ZNF385D: variants seen among roughly 807,000 people sequenced by gnomAD.
ZNF385D encodes zinc finger protein 659.
ZNF385D carries 15 observed loss-of-function variants against 35.8 expected under a neutral mutation model. The observed-to-expected ratio is 0.42, with a 90% CI of 0.28 to 0.64. ZNF385D has a LOEUF of 0.64. Among genes scored for constraint, ZNF385D ranks in the 30% least tolerant of loss-of-function variants. The pLI, the probability that ZNF385D is intolerant of heterozygous loss-of-function variation, is 0.23. For missense variants in ZNF385D, 474 were observed against 494.6 expected (o/e 0.96, Z 0.39); for synonymous variants, 212 against 186.8 (o/e 1.13, Z -1.10).
At chr3:21,835,950 C>T (rs1228307284) in intron 3 of ZNF385D, among the ~76,000 whole-genome samples, 1 of 151,980 alleles carries the variant, frequency 6.6e-6, no homozygotes, top group Non-Finnish European at 1.5e-5. Context: ...TTAATAAGAA[C>T]ACCATTTTGA....
chr3:21,793,321 T>C (rs1432245506), intron 3 of ZNF385D, among the ~76,000 whole-genome samples: 2 of 152,182 alleles, frequency 1.3e-5, no homozygotes, highest in Non-Finnish European at 2.9e-5. Context: ...AAATGAGGTA[T>C]TGTTAAGGAA....
At chr3:21,468,596 AC>A (rs1233311332) in intron 4 of ZNF385D, among the ~76,000 whole-genome samples, 1 of 151,932 alleles carries the variant, frequency 6.6e-6, no homozygotes, top group Non-Finnish European at 1.5e-5. Flanking sequence ...GAACCTCAAA[AC>A]CCTATGTTGA....
intron 2 of ZNF385D, among the ~76,000 whole-genome samples, chr3:22,289,781 C>T (rs561938280): frequency 3.7e-4 from 57 of 152,240 alleles, no homozygotes; most frequent in African/African-American, 1.3e-3. Flanking sequence ...GCACCAATGC[C>T]TTCCAGGAGT....
chr3:21,572,947 C>T (rs1307536969), intron 2 of ZNF385D, among the ~76,000 whole-genome samples: 3 of 79,370 alleles, frequency 3.8e-5, no homozygotes, highest in Non-Finnish European at 6.9e-5. Flanking sequence ...AGGAAGTAGA[C>T]ACTTTTTTTT....
At chr3:21,535,088 G>A (rs1385273359) in intron 3 of ZNF385D, among the ~76,000 whole-genome samples, 2 of 152,086 alleles carry the variant, frequency 1.3e-5, no homozygotes, top group African/African-American at 2.4e-5. Flanking sequence ...TGTACTAACT[G>A]TAGGCTAAAT....
chr3:22,030,274 T>TATATATATCCTATACAAATAACAAATAGG (rs1553591252), intron 3 of ZNF385D, among the ~76,000 whole-genome samples: 868 of 86,754 alleles, frequency 0.01, 43 homozygotes, highest in East Asian at 0.043. Flanking sequence ...TATATATATA[T>TATATATATCCTATACAAATAACAAATAGG]ATATATATAT....
At chr3:21,746,022 C>G (rs4146796) in intron 1 of ZNF385D, among the ~76,000 whole-genome samples, 88,133 of 152,000 alleles carry the variant, frequency 0.58, 25,808 homozygotes, top group East Asian at 0.72. Context: ...AATATTAAGT[C>G]TATATATATA....
chr3:22,345,564 C>T (rs769265432), intron 2 of ZNF385D, among the ~76,000 whole-genome samples: 4 of 152,168 alleles, frequency 2.6e-5, no homozygotes, highest in African/African-American at 7.2e-5. Flanking sequence ...GGAGTTTTCA[C>T]TTTGGGGAAC....
At chr3:21,622,452 A>G (rs2125817274) in intron 2 of ZNF385D, among the ~76,000 whole-genome samples, 1 of 152,226 alleles carries the variant, frequency 6.6e-6, no homozygotes, top group African/African-American at 2.4e-5. Context: ...TAAGGCCTAC[A>G]TTTTGAGTGA....
intron 2 of ZNF385D, among the ~76,000 whole-genome samples, chr3:22,364,472 C>A (rs1255693592): frequency 6.6e-6 from 1 of 151,942 alleles, no homozygotes; most frequent in Admixed American, 6.6e-5. Context: ...AGGAGACATA[C>A]AAATGGCTAA....
At chr3:21,665,653 C>A (rs558455022) in intron 1 of ZNF385D, among the ~76,000 whole-genome samples, 12 of 152,294 alleles carry the variant, frequency 7.9e-5, no homozygotes, top group African/African-American at 2.2e-4. Context: ...CTGCCTCCCT[C>A]CCAGTCATGA....
chr3:21,871,288 T>C (rs773795905), intron 3 of ZNF385D, among the ~76,000 whole-genome samples: 1 of 152,184 alleles, frequency 6.6e-6, no homozygotes, highest in African/African-American at 2.4e-5. Flanking sequence ...GTCAAAATGA[T>C]GATCTTTAAC....
intron 3 of ZNF385D, among the ~76,000 whole-genome samples, chr3:21,797,433 T>G (rs1337656408): frequency 6.6e-6 from 1 of 152,204 alleles, no homozygotes; most frequent in Admixed American, 6.5e-5. Context: ...TTTGGTGGTT[T>G]CTTACAAAAC....
At chr3:21,785,378 T>G (rs3111744) in intron 3 of ZNF385D, among the ~76,000 whole-genome samples, 140,471 of 152,144 alleles carry the variant, frequency 0.92, 64,907 homozygotes, top group East Asian at 0.98. Flanking sequence ...ATCATTTTTT[T>G]TGTGTGTATA....
chr3:21,786,098 TG>T (rs1443543913), intron 3 of ZNF385D, among the ~76,000 whole-genome samples: 1 of 152,072 alleles, frequency 6.6e-6, no homozygotes, highest in African/African-American at 2.4e-5. Context: ...ATTATCCTAA[TG>T]GAGAGGTTCT....
intron 3 of ZNF385D, among the ~76,000 whole-genome samples, chr3:21,971,739 T>C (rs1455579596): frequency 6.7e-6 from 1 of 150,078 alleles, no homozygotes; most frequent in South Asian, 2.1e-4. Flanking sequence ...CCTATAAAGA[T>C]ACATATAAAC....
intron 2 of ZNF385D, among the ~76,000 whole-genome samples, chr3:22,205,755 A>T (rs1361913208): frequency 6.6e-6 from 1 of 151,968 alleles, no homozygotes; most frequent in Non-Finnish European, 1.5e-5. Context: ...ATTATAACAG[A>T]TACACAAAAG....
At chr3:21,792,074 C>G (rs150731623) in intron 3 of ZNF385D, among the ~76,000 whole-genome samples, 1 of 152,268 alleles carries the variant, frequency 6.6e-6, no homozygotes, top group East Asian at 1.9e-4. Context: ...CTGCAAAAGA[C>G]ATTTGAGAAT....
At chr3:21,581,213 T>G (rs981295344) in intron 2 of ZNF385D, among the ~76,000 whole-genome samples, 1 of 152,182 alleles carries the variant, frequency 6.6e-6, no homozygotes, top group African/African-American at 2.4e-5. Flanking sequence ...CCTTACATAA[T>G]CCAGTGTATT....
Sources: allele counts gnomAD v4.1 joint callset (sites outside exome capture counted in the v4.1 genomes callset), GRCh38; gene constraint gnomAD v4.1.1; transcripts MANE v1.5; gene names NCBI Gene and HGNC (gene_info 2026-07-23, HGNC 2026-07-21).